Variants in RPS24 observed in about 807,000 individuals in gnomAD.
RPS24 encodes ribosomal protein S24.
For synonymous variants in RPS24, 72 were observed against 55.6 expected (o/e 1.30, Z -1.31); for missense variants, 100 against 162.5 (o/e 0.62, Z 2.09).
downstream of RPS24, chr10:78,040,788 T>C (rs1429017979): frequency 4.5e-6 from 4 of 894,978 alleles, no homozygotes; most frequent in Non-Finnish European, 7.1e-6. Flanking sequence ...GTTCACATGC[T>C]CCATGAAGCA....
downstream of RPS24, among the ~76,000 whole-genome samples, chr10:78,040,972 T>G (rs1475855415): frequency 6.6e-6 from 1 of 152,104 alleles, no homozygotes; most frequent in African/African-American, 2.4e-5. Flanking sequence ...GGTGGGATGA[T>G]TACACTTAAG....
intron 4 of RPS24, chr10:78,037,956 G>A: frequency 8.3e-6 from 3 of 363,458 alleles, no homozygotes; most frequent in Non-Finnish European, 1.1e-5. Flanking sequence ...TGGATTTCTT[G>A]TTCATCAGAA....
At chr10:78,035,841 A>T in intron 3 of RPS24, 121 bp downstream of exon 3, 1 of 859,342 alleles carries the variant, frequency 1.2e-6, no homozygotes, top group Non-Finnish European at 1.9e-6. Flanking sequence ...GAAAGGATTA[A>T]GAGAAAAAGT....
At chr10:78,042,101 C>T (rs577195254), downstream of RPS24, among the ~76,000 whole-genome samples, 79 of 152,318 alleles carry the variant, frequency 5.2e-4, no homozygotes, top group Admixed American at 1.2e-3. Flanking sequence ...GCAAATTTTA[C>T]GTAAAGGTCT....
intron 4 of RPS24, among the ~76,000 whole-genome samples, chr10:78,047,671 T>C (rs771622655): frequency 6.6e-6 from 1 of 152,322 alleles, no homozygotes; most frequent in Non-Finnish European, 1.5e-5. Flanking sequence ...GCTGTTCATA[T>C]GTGCATGGTG....
intron 4 of RPS24, chr10:78,038,165 T>C: frequency 3.3e-6 from 1 of 303,092 alleles, no homozygotes; most frequent in Middle Eastern, 4.1e-4. Context: ...TGCACCAACC[T>C]AATATGTTTT....
intron 3 of RPS24, 99 bp downstream of exon 3, chr10:78,035,819 G>T: frequency 1.1e-6 from 1 of 937,978 alleles, no homozygotes; most frequent in Non-Finnish European, 1.7e-6. Flanking sequence ...AAGCAATCTG[G>T]GATACAACTC....
chr10:78,042,524 G>A (rs532139070), downstream of RPS24, among the ~76,000 whole-genome samples: 158 of 152,300 alleles, frequency 1.0e-3, no homozygotes, highest in African/African-American at 3.5e-3. Flanking sequence ...CTCAAACTGT[G>A]GACAGATTCA....
At chr10:78,044,826 A>T (rs1848026719), downstream of RPS24, among the ~76,000 whole-genome samples, 2 of 150,994 alleles carry the variant, frequency 1.3e-5, 1 homozygote, top group South Asian at 4.2e-4. Context: ...TAAAGAAAAT[A>T]AAACGTTGGA....
At chr10:78,044,517 G>T (rs1399984363), downstream of RPS24, among the ~76,000 whole-genome samples, 1 of 152,138 alleles carries the variant, frequency 6.6e-6, no homozygotes, top group African/African-American at 2.4e-5. Flanking sequence ...CTAGAGCACA[G>T]AAGTATGACA....
At chr10:78,039,653 AT>A (rs1341234894) in intron 4 of RPS24, 1 of 159,774 alleles carries the variant, frequency 6.3e-6, no homozygotes, top group African/African-American at 2.4e-5. Context: ...GAGCAATTGT[AT>A]TTTTAGTTCA....
intron 3 of RPS24, 65 bp from the exon 4 acceptor site, chr10:78,037,129 A>G (rs1847886987): frequency 3.2e-6 from 5 of 1,551,732 alleles, no homozygotes; most frequent in Non-Finnish European, 4.4e-6. Context: ...CAGTTTCCCT[A>G]CCAGAGTGGT....
chr10:78,034,624 G>T (rs900536968), intron 1 of RPS24, among the ~76,000 whole-genome samples: 1 of 152,132 alleles, frequency 6.6e-6, no homozygotes, highest in African/African-American at 2.4e-5. Context: ...AGTCTCTTGC[G>T]CCTCCTTTTT....
intron 4 of RPS24, chr10:78,049,348 A>G (rs911508831): frequency 1.3e-5 from 2 of 152,340 alleles, no homozygotes; most frequent in African/African-American, 4.8e-5. Flanking sequence ...GAGTTGAAAC[A>G]TCGCCCACTG....
chr10:78,044,296 G>A (rs1848019375), downstream of RPS24, among the ~76,000 whole-genome samples: 1 of 152,100 alleles, frequency 6.6e-6, no homozygotes, highest in Non-Finnish European at 1.5e-5. Flanking sequence ...AGGGAGATGG[G>A]AGCAGGCAGT....
At chr10:78,039,914 C>T (rs781031058) in intron 4 of RPS24, 12 of 489,936 alleles carry the variant, frequency 2.4e-5, no homozygotes, top group Middle Eastern at 6.0e-4. Flanking sequence ...GTGGGCAAGG[C>T]CATCCTGGGT....
downstream of RPS24, among the ~76,000 whole-genome samples, chr10:78,042,088 T>C (rs536546388): frequency 6.6e-6 from 1 of 152,342 alleles, no homozygotes; most frequent in South Asian, 2.1e-4. Context: ...ATTTGGAAAC[T>C]TGGCAAATTT....
intron 4 of RPS24, among the ~76,000 whole-genome samples, chr10:78,051,473 G>A (rs763964290): frequency 2.7e-4 from 41 of 152,198 alleles, no homozygotes; most frequent in African/African-American, 7.0e-4. Flanking sequence ...GATTTACCAC[G>A]TCAACATCAG....
rs1374945993 is a variant in RPS24 at position 78,054,811 on chromosome 10, CT to C, written c.672del (p.Ala225ProfsTer28). On this transcript the variant is annotated frameshift_variant, in exon 5 of 5. Transcript: ENST00000440692. LOFTEE classifies it low-confidence loss of function (END_TRUNC). Reference sequence around the variant, plus strand: ...GTCAGAAACGGAGCCTTCATGTCGCCTGCCTCACCTGCTCCTGCTGGTTCTC... The same window carrying C: ...GTCAGAAACGGAGCCTTCATGTCGCCGCCTCACCTGCTCCTGCTGGTTCTC... 6.4e-7 allele frequency: 1 copy of C among 1,551,676 alleles called. No individual in the cohort carries two copies. The highest frequency in any genetic ancestry group is 1.4e-5 in the African/African-American group (1 of 73,156).
Sources: gnomAD v4.1 joint callset for allele counts (sites outside exome capture counted in the v4.1 genomes callset) on GRCh38, gnomAD v4.1.1 for gene constraint, MANE v1.5 for transcripts, NCBI Gene and HGNC (gene_info 2026-07-23, HGNC 2026-07-21) for gene names.